Variants in TNS3 observed in about 807,000 individuals in gnomAD.
TNS3 encodes the protein tensin 3.
A neutral mutation model predicts 140.9 loss-of-function variants in TNS3; 45 were observed. The observed-to-expected ratio is 0.32, with a 90% confidence interval of 0.25 to 0.41. TNS3 has a LOEUF of 0.41. Ranked by LOEUF, TNS3 falls within the 10% of genes least tolerant of loss-of-function variation. The pLI is 1.00. For missense variants in TNS3, 1,716 were observed against 1,906.7 expected, an observed-to-expected ratio of 0.90 and a Z score of 1.86; for synonymous variants, 815 against 788.4, an observed-to-expected ratio of 1.03 and a Z score of -0.56.
chr7:47,419,986 A>G (rs911215366), intron 10 of TNS3, among the ~76,000 whole-genome samples: 19 of 152,204 alleles, frequency 1.2e-4, no homozygotes, highest in Non-Finnish European at 2.2e-4. Flanking sequence ...CCAGCTCTGC[A>G]TGAATTAAAC....
intron 1 of TNS3, among the ~76,000 whole-genome samples, chr7:47,530,062 A>G (rs1461023174): frequency 6.6e-6 from 1 of 152,254 alleles, no homozygotes; most frequent in Non-Finnish European, 1.5e-5. Flanking sequence ...ATTCTTATTT[A>G]CACTAAAGAG....
chr7:47,377,381 A>G (rs1791459476), intron 16 of TNS3, among the ~76,000 whole-genome samples: 1 of 152,168 alleles, frequency 6.6e-6, no homozygotes, highest in African/African-American at 2.4e-5. Flanking sequence ...GACTCCACAT[A>G]GGTGACATTC....
intron 6 of TNS3, among the ~76,000 whole-genome samples, chr7:47,438,919 C>G (rs60149866): frequency 1.3e-5 from 2 of 152,106 alleles, no homozygotes; most frequent in African/African-American, 4.8e-5. Context: ...CAGCCTCCAC[C>G]TGGGCTACCA....
At chr7:47,433,311 A>C (rs911137842) in intron 8 of TNS3, among the ~76,000 whole-genome samples, 2 of 152,240 alleles carry the variant, frequency 1.3e-5, no homozygotes, top group African/African-American at 4.8e-5. Flanking sequence ...TTTCAAATTA[A>C]AAGAGGGCTT....
intron 17 of TNS3, among the ~76,000 whole-genome samples, chr7:47,359,156 G>A (rs1790173491): frequency 6.6e-6 from 1 of 152,176 alleles, no homozygotes; most frequent in Non-Finnish European, 1.5e-5. Context: ...TCCATCGAGA[G>A]AGGAATGAAT....
intron 1 of TNS3, among the ~76,000 whole-genome samples, chr7:47,532,841 A>G (rs937333799): frequency 6.6e-6 from 1 of 152,076 alleles, no homozygotes; most frequent in African/African-American, 2.4e-5. Flanking sequence ...GATGTTACAG[A>G]GGTATAGTAT....
intron 4 of TNS3, among the ~76,000 whole-genome samples, chr7:47,478,272 T>C (rs1019405007): frequency 1.3e-5 from 2 of 152,136 alleles, no homozygotes; most frequent in Non-Finnish European, 2.9e-5. Context: ...CCTGAGAATG[T>C]GCATTTCTAT....
intron 20 of TNS3, among the ~76,000 whole-genome samples, chr7:47,310,860 G>C (rs1271532262): frequency 6.6e-6 from 1 of 152,138 alleles, no homozygotes; most frequent in African/African-American, 2.4e-5. Context: ...CAAAATGATG[G>C]TTTCCAGCTT....
rs576923019 is a variant in TNS3 at position 47,545,168 on chromosome 7, A to C, written c.-264-16021T>G. ...TTTTTTTTTTTTTTTTTTGAGACGG[A>C]GTCTCGCTCTGTCGCCTGGAGTGCA... On this transcript the variant is annotated intron_variant, in intron 1 of 30. Coordinates refer to ENST00000311160, the MANE Select transcript of TNS3 (RefSeq NM_022748.12). Among the ~76,000 whole-genome samples the C allele has an allele frequency of 1.7e-4, 20 of 119,482 alleles. No individual in the cohort carries two copies. In the East Asian group the frequency reaches 3.9e-3, roughly 23 times the overall value. 78.4% of individuals were successfully genotyped at this position (119,482 alleles called of 152,430 possible).
chr7:47,534,472 C>T (rs1799530374), intron 1 of TNS3, among the ~76,000 whole-genome samples: 1 of 151,858 alleles, frequency 6.6e-6, no homozygotes, highest in South Asian at 2.1e-4. Flanking sequence ...TCTGTCAGTT[C>T]ATAGGAATCA....
chr7:47,543,507 A>G (rs10452821), intron 1 of TNS3, among the ~76,000 whole-genome samples: 17,090 of 152,268 alleles, frequency 0.11, 3,197 homozygotes, highest in African/African-American at 0.39. Context: ...CCTAGGAGAC[A>G]AGGAGTCCAA....
chr7:47,478,097 C>A (rs756813347), intron 4 of TNS3, among the ~76,000 whole-genome samples: 2 of 152,214 alleles, frequency 1.3e-5, no homozygotes, highest in East Asian at 3.8e-4. Context: ...CCCAGAAAGG[C>A]AGGCATTTGC....
intron 20 of TNS3, among the ~76,000 whole-genome samples, chr7:47,336,051 A>AC (rs967241753): frequency 7.7e-4 from 117 of 152,284 alleles, no homozygotes; most frequent in African/African-American, 2.5e-3. Flanking sequence ...AGCTTACTTG[A>AC]GCCTGGCAAT....
chr7:47,377,300 G>A (rs561815640), intron 16 of TNS3, among the ~76,000 whole-genome samples: 2 of 152,334 alleles, frequency 1.3e-5, no homozygotes, highest in Non-Finnish European at 2.9e-5. Context: ...CTCATCTGCA[G>A]GCAGTCTCCT....
intron 17 of TNS3, among the ~76,000 whole-genome samples, chr7:47,361,289 T>C (rs1375557066): frequency 6.8e-6 from 1 of 147,572 alleles, no homozygotes; most frequent in East Asian, 2.0e-4. Context: ...CCACACTCCT[T>C]GGCCCCCATC....
At chr7:47,419,882 C>A (rs542744987) in intron 10 of TNS3, among the ~76,000 whole-genome samples, 1 of 152,106 alleles carries the variant, frequency 6.6e-6, no homozygotes, top group African/African-American at 2.4e-5. Context: ...CCCTAGCCAC[C>A]CCCTTCTCCC....
intron 2 of TNS3, among the ~76,000 whole-genome samples, chr7:47,519,145 C>T (rs1016770095): frequency 3.3e-5 from 5 of 152,144 alleles, no homozygotes; most frequent in African/African-American, 9.7e-5. Context: ...CCTGCTGCTT[C>T]GTCTCAGGGC....
chr7:47,514,954 C>G (rs185255083), intron 2 of TNS3, among the ~76,000 whole-genome samples: 3 of 152,312 alleles, frequency 2.0e-5, no homozygotes, highest in Non-Finnish European at 4.4e-5. Context: ...CAAGGGAACT[C>G]AGTGACATGT....
At chr7:47,477,309 A>G (rs558637439) in intron 4 of TNS3, among the ~76,000 whole-genome samples, 1 of 152,262 alleles carries the variant, frequency 6.6e-6, no homozygotes, top group African/African-American at 2.4e-5. Flanking sequence ...GGATGAAGCT[A>G]TTCTAGAACC....
Sources: allele counts gnomAD v4.1 joint callset (sites outside exome capture counted in the v4.1 genomes callset), GRCh38; gene constraint gnomAD v4.1.1; transcripts MANE v1.5; gene names NCBI Gene and HGNC (gene_info 2026-07-23, HGNC 2026-07-21).